Variants in RUNX1T1 observed in about 807,000 individuals in gnomAD.
RUNX1T1 encodes the protein RUNX1 partner transcriptional co-repressor 1, also known as protein CBFA2T1.
RUNX1T1 carries 4 observed loss-of-function variants against 62.8 expected under a neutral mutation model. That is an observed-to-expected ratio of 0.06 (90% confidence interval 0.03 to 0.15). The LOEUF (loss-of-function observed/expected upper bound fraction) is 0.15. RUNX1T1 is among the 10% of genes least tolerant of loss of function. The pLI, the probability that RUNX1T1 is intolerant of heterozygous loss-of-function variation, is 1.00. For synonymous variants in RUNX1T1, 291 were observed against 286.0 expected, an observed-to-expected ratio of 1.02 and a Z score of -0.18; for missense variants, 508 against 754.3, an observed-to-expected ratio of 0.67 and a Z score of 3.82.
chr8:91,998,580 G>A (rs1185497973), intron 5 of RUNX1T1, among the ~76,000 whole-genome samples: 2 of 152,192 alleles, frequency 1.3e-5, no homozygotes, highest in Non-Finnish European at 2.9e-5. Context: ...TGCAGGTTGG[G>A]GGAGCCATCT....
chr8:92,060,553 A>ATATATATATATATGTGTGTGTGTGTG lies in RUNX1T1; in HGVS notation c.7+1992_7+1993insCACACACACACACATATATATATATA. Among the ~76,000 whole-genome samples, 205 of 63,734 alleles carry ATATATATATATATGTGTGTGTGTGTG rather than the reference A, an allele frequency of 3.2e-3. 2 individuals carry two copies. Among genetic ancestry groups the ATATATATATATATGTGTGTGTGTGTG allele is most frequent in the Non-Finnish European group, 4.7e-3 (145 of 30,630 alleles). The allele number at this position is 63,734 out of a possible 152,430, so 41.8% of individuals were successfully genotyped here. On this transcript the variant is annotated intron_variant, in intron 1 of 10. Transcript: ENST00000396218. ...TATATATATATATATATATATATAT[A>ATATATATATATATGTGTGTGTGTGTG]TGTGTGTGTGTGTGTGTGTGTGTGT... is the stretch of plus-strand genomic sequence containing the variant.
chr8:92,031,760 G>A (rs1479121386), intron 1 of RUNX1T1, among the ~76,000 whole-genome samples: 1 of 151,946 alleles, frequency 6.6e-6, no homozygotes, highest in Non-Finnish European at 1.5e-5. Context: ...ATAAACCAGT[G>A]CCCAGCAGCC....
chr8:91,997,153 C>A (rs896828430), intron 5 of RUNX1T1, among the ~76,000 whole-genome samples: 1 of 151,852 alleles, frequency 6.6e-6, no homozygotes, highest in Non-Finnish European at 1.5e-5. Flanking sequence ...TAAATAAAAA[C>A]AAAAACTCTA....
intron 1 of RUNX1T1, among the ~76,000 whole-genome samples, chr8:92,040,064 T>A (rs547865315): frequency 6.6e-6 from 1 of 152,268 alleles, no homozygotes; most frequent in South Asian, 2.1e-4. Flanking sequence ...AGACTTGACA[T>A]TTCCCTCTGT....
intron 1 of RUNX1T1, 63 bp from the exon 2 acceptor site, chr8:92,076,200 C>T: frequency 7.7e-7 from 1 of 1,295,686 alleles, no homozygotes; most frequent in South Asian, 1.9e-5. Context: ...GTATCATACC[C>T]ATCTGTTTAC....
intron 1 of RUNX1T1, among the ~76,000 whole-genome samples, chr8:92,052,449 T>C (rs1197854263): frequency 6.6e-6 from 1 of 152,190 alleles, no homozygotes; most frequent in Non-Finnish European, 1.5e-5. Context: ...TCTCAAGTAT[T>C]TTTAAAAATA....
intron 1 of RUNX1T1, among the ~76,000 whole-genome samples, chr8:92,035,470 T>A (rs188493381): frequency 2.6e-3 from 402 of 152,110 alleles, no homozygotes; most frequent in African/African-American, 9.3e-3. Flanking sequence ...AAGAAATGCA[T>A]CTGCACTTGT....
upstream of RUNX1T1, among the ~76,000 whole-genome samples, chr8:92,063,287 C>A (rs190370309): frequency 6.6e-6 from 1 of 152,068 alleles, no homozygotes; most frequent in Non-Finnish European, 1.5e-5. Context: ...GAAGCTGAGC[C>A]GACCACTTTT....
rs537721530 is a variant in RUNX1T1, at chr8:92,025,881, G to A, written c.8-8518C>T. ...TACTACTGGATTATTCAATTCACCA[G>A]TTTTCTAACAACTCTCAGTAACCAC... On this transcript the variant is annotated intron_variant, in intron 1 of 10. Transcript: ENST00000396218. 3.9e-5 allele frequency among the ~76,000 whole-genome samples: 6 copies of A among 152,200 alleles called. No individual in the cohort carries two copies. In the South Asian group the frequency reaches 1.2e-3, roughly 32 times the overall value.
upstream of RUNX1T1, among the ~76,000 whole-genome samples, chr8:92,101,100 C>T (rs893742178): frequency 3.3e-5 from 5 of 152,044 alleles, no homozygotes; most frequent in Admixed American, 1.3e-4. Context: ...CAAAGGAGGG[C>T]AATGATAATA....
chr8:91,971,185 A>C (rs1812752162), intron 9 of RUNX1T1: 1 of 202,438 alleles, frequency 4.9e-6, no homozygotes, highest in Non-Finnish European at 9.8e-6. Flanking sequence ...TTTAACTTGA[A>C]TTTATGGAAA....
chr8:91,974,339 CACTT>C (rs750128094), intron 9 of RUNX1T1, among the ~76,000 whole-genome samples: 3 of 152,126 alleles, frequency 2.0e-5, no homozygotes, highest in Non-Finnish European at 4.4e-5. Flanking sequence ...AATCTATTCT[CACTT>C]AATAGCAGTC....
At chr8:92,081,267 A>C (rs1835216247) in intron 1 of RUNX1T1, 1 of 970,522 alleles carries the variant, frequency 1.0e-6, no homozygotes, top group Admixed American at 6.2e-5. Flanking sequence ...TATTTCATCC[A>C]GTGTGCTCAG....
exon 11 of RUNX1T1, chr8:91,959,940 C>A: frequency 2.4e-6 from 1 of 411,536 alleles, no homozygotes; most frequent in African/African-American, 1.9e-5. Flanking sequence ...ATCCCAGCTA[C>A]TTGAAAATAA....
chr8:91,970,763 C>T, exon 10 of RUNX1T1: 2 of 1,613,776 alleles, frequency 1.2e-6, no homozygotes, highest in Non-Finnish European at 1.7e-6. Flanking sequence ...CTGTTGTGAT[C>T]ATGTCGTGGG....
intron 10 of RUNX1T1, among the ~76,000 whole-genome samples, chr8:91,970,043 T>TGTTGTG (rs11374252): frequency 1.4e-4 from 20 of 142,714 alleles, no homozygotes; most frequent in Non-Finnish European, 2.7e-4. Context: ...TGTGTGTGTG[T>TGTTGTG]TGTGTGTGTG....
intron 1 of RUNX1T1, among the ~76,000 whole-genome samples, chr8:92,096,721 G>A (rs1207184745): frequency 6.6e-6 from 1 of 152,156 alleles, no homozygotes; most frequent in Admixed American, 6.5e-5. Flanking sequence ...AGCCCTAGCT[G>A]CTGTGAAACT....
intron 1 of RUNX1T1, among the ~76,000 whole-genome samples, chr8:92,058,131 C>G (rs1419236640): frequency 6.6e-6 from 1 of 152,112 alleles, no homozygotes; most frequent in Admixed American, 6.5e-5. Flanking sequence ...TGTTCAGGCC[C>G]TGTTTACTTC....
chr8:91,991,058 C>T (rs1331908608), intron 6 of RUNX1T1, among the ~76,000 whole-genome samples: 3 of 152,128 alleles, frequency 2.0e-5, no homozygotes, highest in Non-Finnish European at 4.4e-5. Context: ...GTATTCTGAT[C>T]CTTGACCCAA....
Sources: allele counts gnomAD v4.1 joint callset (sites outside exome capture counted in the v4.1 genomes callset), GRCh38; gene constraint gnomAD v4.1.1; transcripts MANE v1.5; gene names NCBI Gene and HGNC (gene_info 2026-07-23, HGNC 2026-07-21).